SVOP: variants seen among roughly 807,000 people sequenced by gnomAD.
The protein encoded by SVOP is SV2 related protein, also known as synaptic vesicle 2-related protein.
SVOP carries 17 observed loss-of-function variants against 69.1 expected under a neutral mutation model. That is an observed-to-expected ratio of 0.25 (90% confidence interval 0.17 to 0.37). SVOP has a LOEUF of 0.37. Among genes scored for constraint, SVOP ranks in the 10% least tolerant of loss-of-function variants. The probability of loss-of-function intolerance (pLI) is 1.00; values close to 1 mark genes in which losing one functional copy is unlikely to be tolerated. For missense variants in SVOP, 435 were observed against 597.5 expected (o/e 0.73, Z 2.84); for synonymous variants, 238 against 238.6 (o/e 1.00, Z 0.02).
At chr12:108,935,983 G>A (rs931421192) in intron 10 of SVOP, among the ~76,000 whole-genome samples, 4 of 151,406 alleles carry the variant, frequency 2.6e-5, no homozygotes, top group African/African-American at 9.7e-5. Flanking sequence ...GTACCCAAGG[G>A]GCAATGTGGG....
At position 109,014,018 on chromosome 12, in the gene SVOP, C is replaced by CTT. The variant is rs377526459; in HGVS notation, c.35+6814_35+6815dup. Among the ~76,000 whole-genome samples the CTT allele has an allele frequency of 5.4e-3, 742 of 137,516 alleles. 10 individuals carry two copies. The highest frequency in any genetic ancestry group is 6.4e-3 in the South Asian group (28 of 4,344). The allele number at this position is 137,516 out of a possible 152,430, so 90.2% of individuals were successfully genotyped here. A position where few individuals can be genotyped will look rare whatever the true frequency, so the allele number is the denominator to read the frequency against. ...TTGTAGGACTGCCCAAATTTCCTTCCTTTTTTTTTTTTTTTGAGATGGAGT... is the reference window on the plus strand; with the variant it reads ...TTGTAGGACTGCCCAAATTTCCTTCCTTTTTTTTTTTTTTTTTGAGATGGAGT... On this transcript the variant is annotated intron_variant, in intron 1 of 15. Transcript: ENST00000610966.
At chr12:109,011,153 G>A (rs1033439714) in intron 1 of SVOP, among the ~76,000 whole-genome samples, 3 of 152,062 alleles carry the variant, frequency 2.0e-5, no homozygotes, top group Non-Finnish European at 4.4e-5. Flanking sequence ...GACCTCAAGC[G>A]ATCCTCCCAC....
intron 1 of SVOP, among the ~76,000 whole-genome samples, chr12:109,017,376 T>C (rs2040372904): frequency 6.6e-6 from 1 of 151,040 alleles, no homozygotes; most frequent in South Asian, 2.1e-4. Flanking sequence ...CCCCCATCCA[T>C]GGAAAAATTG....
At chr12:108,967,339 A>G (rs564552498) in intron 5 of SVOP, among the ~76,000 whole-genome samples, 53 of 152,068 alleles carry the variant, frequency 3.5e-4, no homozygotes, top group African/African-American at 1.2e-3. Flanking sequence ...TCTCTACTAA[A>G]ATTATAAAAA....
At chr12:108,961,995 T>C (rs1377362907) in intron 5 of SVOP, among the ~76,000 whole-genome samples, 3 of 152,232 alleles carry the variant, frequency 2.0e-5, no homozygotes, top group African/African-American at 7.2e-5. Context: ...AAACATAATA[T>C]AAAGGCAGTT....
intron 4 of SVOP, among the ~76,000 whole-genome samples, chr12:108,975,618 G>A (rs2040102054): frequency 6.6e-6 from 1 of 152,186 alleles, no homozygotes; most frequent in Admixed American, 6.5e-5. Context: ...CAAAATAAGT[G>A]CTCAGTAAAT....
chr12:108,927,238 A>G (rs2039786071), intron 11 of SVOP, among the ~76,000 whole-genome samples: 1 of 152,222 alleles, frequency 6.6e-6, no homozygotes, highest in Non-Finnish European at 1.5e-5. Context: ...TCTCTGACCC[A>G]GGAGTGTTGT....
chr12:108,935,171 G>A (rs1054516847), intron 10 of SVOP, among the ~76,000 whole-genome samples: 1 of 152,190 alleles, frequency 6.6e-6, no homozygotes, highest in Non-Finnish European at 1.5e-5. Flanking sequence ...AGGGCTCTGG[G>A]TCAATTGCGT....
At chr12:108,932,068 C>T (rs534814534) in intron 11 of SVOP, among the ~76,000 whole-genome samples, 8 of 152,006 alleles carry the variant, frequency 5.3e-5, no homozygotes, top group East Asian at 1.9e-4. Context: ...GCTGGATTGC[C>T]GAGGCACAAT....
chr12:108,943,530 G>A (rs1160549690), intron 7 of SVOP, among the ~76,000 whole-genome samples: 10 of 151,728 alleles, frequency 6.6e-5, no homozygotes, highest in South Asian at 6.3e-4. Context: ...CCTGGGAGGC[G>A]GAGGATGCAG....
At position 109,001,827 on chromosome 12, in the gene SVOP, T is replaced by C. The variant is rs1051028799; in HGVS notation, c.36-18066A>G. Among the ~76,000 whole-genome samples, 8 of 152,096 alleles carry C rather than the reference T, an allele frequency of 5.3e-5. No homozygotes were observed. In the East Asian group the frequency reaches 9.6e-4, roughly 18 times the overall value. ...ATCAATTCAAGATGGATTAAAGCCT[T>C]AAACCTTAGACCTAAAACCATAAAA... On this transcript the variant is annotated intron_variant, in intron 1 of 15. Transcript: ENST00000610966.
intron 1 of SVOP, among the ~76,000 whole-genome samples, chr12:109,017,403 T>G (rs2040373022): frequency 6.6e-6 from 1 of 151,486 alleles, no homozygotes; most frequent in Non-Finnish European, 1.5e-5. Context: ...AAGAAACCAG[T>G]CCCTGGAGCC....
In SVOP at chr12:108,977,461, G is replaced by T. The variant is rs1259719586; in HGVS notation, c.318C>A (p.Ile106=). 7.2e-6 allele frequency: 11 copies of T among 1,537,152 alleles called. No individual in the cohort carries two copies. The highest frequency in any genetic ancestry group is 9.6e-6 in the Non-Finnish European group (11 of 1,146,842). ...ADAMEMMILS[I]LAPQLHCEWR... Reference sequence around the variant, plus strand: ...ACTCGCAATGCAGCTGTGGTGCCAGGATGCTGAGGATCATCATCTCCATGG... The same window carrying T: ...ACTCGCAATGCAGCTGTGGTGCCAGTATGCTGAGGATCATCATCTCCATGG... Residue 106 remains isoleucine (I), a synonymous_variant, in exon 4 of 16, where the codon ATC becomes ATA. Coordinates refer to ENST00000610966, the MANE Select transcript of SVOP (RefSeq NM_018711.5).
chr12:108,917,828 T>G (rs548591392), intron 14 of SVOP, among the ~76,000 whole-genome samples: 1 of 152,214 alleles, frequency 6.6e-6, no homozygotes, highest in South Asian at 2.1e-4. Context: ...TTTATTTTTT[T>G]AGAGAGAGGG....
At chr12:108,960,812 T>A in intron 6 of SVOP, 111 bp downstream of exon 6, 1 of 1,330,736 alleles carries the variant, frequency 7.5e-7, no homozygotes, top group Non-Finnish European at 1.0e-6. Flanking sequence ...CTGGTATAGC[T>A]ATCTCTGCAC....
At chr12:109,018,764 C>G (rs573991129) in intron 1 of SVOP, among the ~76,000 whole-genome samples, 20 of 152,258 alleles carry the variant, frequency 1.3e-4, no homozygotes, top group Middle Eastern at 3.4e-3. Flanking sequence ...GAGTCCAGTA[C>G]AGTAAACCTA....
rs771881647 is a variant in SVOP, at chr12:108,910,620, G to A, written c.*1915C>T. 6.6e-6 allele frequency: 1 copy of A among 152,220 alleles called. No individual in the cohort carries two copies. The highest frequency in any genetic ancestry group is 1.5e-5 in the Non-Finnish European group (1 of 68,052). 9.4% of individuals were successfully genotyped at this position (152,220 alleles called of 1,614,324 possible). A position where few individuals can be genotyped will look rare whatever the true frequency, so the allele number is the denominator to read the frequency against. ...GGAGGGGGCTGCAGCCCACATTTTAGAGACACAGTATTGTTTGCAGTTGAT... is the reference window on the plus strand; with the variant it reads ...GGAGGGGGCTGCAGCCCACATTTTAAAGACACAGTATTGTTTGCAGTTGAT... On this transcript the variant is annotated 3_prime_UTR_variant, in exon 16 of 16. Transcript: ENST00000610966.
chr12:109,012,573 A>T (rs1031688523), intron 1 of SVOP, among the ~76,000 whole-genome samples: 57 of 152,284 alleles, frequency 3.7e-4, no homozygotes, highest in Middle Eastern at 3.4e-3. Flanking sequence ...AATTAAAAAA[A>T]TTTCATGTAA....
chr12:108,980,622 C>CAT (rs2137436135), intron 2 of SVOP, among the ~76,000 whole-genome samples: 21,442 of 110,992 alleles, frequency 0.19, 2,384 homozygotes, highest in African/African-American at 0.27. Context: ...CGGTGGCGGG[C>CAT]GCCTGTAGTC....
Sources: allele counts gnomAD v4.1 joint callset (sites outside exome capture counted in the v4.1 genomes callset), GRCh38; gene constraint gnomAD v4.1.1; transcripts MANE v1.5; gene names NCBI Gene and HGNC (gene_info 2026-07-23, HGNC 2026-07-21).